CACNA2D3: variants seen among roughly 807,000 people sequenced by gnomAD.
The protein encoded by CACNA2D3 is calcium voltage-gated channel auxiliary subunit alpha2delta 3, also known as voltage-dependent calcium channel subunit alpha-2/delta-3.
CACNA2D3 carries 60 observed loss-of-function variants against 160.6 expected under a neutral mutation model. The ratio of observed to expected loss-of-function variants is 0.37; its 90% confidence interval spans 0.30 to 0.46. The LOEUF (loss-of-function observed/expected upper bound fraction) is 0.46, where lower values mean the gene tolerates loss of function less well. CACNA2D3 is among the 20% of genes least tolerant of loss of function. The pLI, the probability that CACNA2D3 is intolerant of heterozygous loss-of-function variation, is 1.00. For missense variants in CACNA2D3, 1,205 were observed against 1,365.0 expected (o/e 0.88, Z 1.85); for synonymous variants, 558 against 492.9 (o/e 1.13, Z -1.75).
chr3:54,400,907 A>C (rs1259255039), intron 4 of CACNA2D3, among the ~76,000 whole-genome samples: 1 of 152,174 alleles, frequency 6.6e-6, no homozygotes, highest in Non-Finnish European at 1.5e-5. Context: ...AAGAAAAGGA[A>C]ATTTATGAAT....
At chr3:54,310,701 T>C (rs1703720785) in intron 2 of CACNA2D3, among the ~76,000 whole-genome samples, 1 of 152,190 alleles carries the variant, frequency 6.6e-6, no homozygotes. Flanking sequence ...GGCAAAAGAA[T>C]GACGTATTTC....
chr3:54,416,614 A>G (rs187504884), intron 4 of CACNA2D3, among the ~76,000 whole-genome samples: 5 of 152,310 alleles, frequency 3.3e-5, no homozygotes, highest in African/African-American at 9.6e-5. Context: ...TAGCTTAATC[A>G]TAGGAGATTC....
chr3:54,779,905 G>T (rs1702500002), intron 13 of CACNA2D3, among the ~76,000 whole-genome samples: 1 of 152,108 alleles, frequency 6.6e-6, no homozygotes, highest in Non-Finnish European at 1.5e-5. Context: ...GTAGCGTAAG[G>T]ACTGGGGCAG....
At chr3:54,560,200 C>A (rs543917449) in intron 5 of CACNA2D3, among the ~76,000 whole-genome samples, 2 of 152,330 alleles carry the variant, frequency 1.3e-5, no homozygotes, top group African/African-American at 4.8e-5. Context: ...ACACCCCCAC[C>A]AACAGTGTAA....
intron 3 of CACNA2D3, among the ~76,000 whole-genome samples, chr3:54,339,623 A>G (rs1704471018): frequency 6.6e-6 from 1 of 152,238 alleles, no homozygotes; most frequent in Non-Finnish European, 1.5e-5. Context: ...CAGGAAGTTC[A>G]TGGAATGAGT....
chr3:54,331,801 A>G (rs1366611582), intron 3 of CACNA2D3, among the ~76,000 whole-genome samples: 1 of 152,118 alleles, frequency 6.6e-6, no homozygotes, highest in Non-Finnish European at 1.5e-5. Flanking sequence ...TTCAGCCCTC[A>G]CCTATTAAAA....
chr3:54,383,636 C>G (rs1699142344), intron 3 of CACNA2D3, among the ~76,000 whole-genome samples: 1 of 151,884 alleles, frequency 6.6e-6, no homozygotes, highest in Admixed American at 6.6e-5. Flanking sequence ...AGCACATGTA[C>G]TAAAATGAGA....
chr3:54,770,642 C>T (rs922600164), intron 13 of CACNA2D3, among the ~76,000 whole-genome samples: 1 of 152,128 alleles, frequency 6.6e-6, no homozygotes, highest in African/African-American at 2.4e-5. Flanking sequence ...TTGTGCCTGT[C>T]GCCCACAGCA....
chr3:54,759,122 C>A (rs1354034429), intron 12 of CACNA2D3, among the ~76,000 whole-genome samples: 1 of 152,162 alleles, frequency 6.6e-6, no homozygotes, highest in African/African-American at 2.4e-5. Flanking sequence ...ACAGAAGGAG[C>A]TCTGCAAGGG....
chr3:55,072,000 T>G (rs1259172875), intron 35 of CACNA2D3, among the ~76,000 whole-genome samples: 1 of 152,200 alleles, frequency 6.6e-6, no homozygotes, highest in Non-Finnish European at 1.5e-5. Flanking sequence ...ATCCATTCAG[T>G]AGAGGCCAAC....
intron 4 of CACNA2D3, among the ~76,000 whole-genome samples, chr3:54,463,259 G>T (rs1236185317): frequency 6.6e-6 from 1 of 152,082 alleles, no homozygotes; most frequent in Non-Finnish European, 1.5e-5. Flanking sequence ...GTGTCTTGGA[G>T]TTGCTCTTCT....
chr3:54,475,611 G>T (rs753764734), intron 4 of CACNA2D3, among the ~76,000 whole-genome samples: 1 of 152,068 alleles, frequency 6.6e-6, no homozygotes, highest in Non-Finnish European at 1.5e-5. Context: ...ATTAGTCTCT[G>T]CCTATAATGC....
chr3:54,711,927 A>G (rs1306017681), intron 11 of CACNA2D3, among the ~76,000 whole-genome samples: 2 of 152,148 alleles, frequency 1.3e-5, no homozygotes, highest in African/African-American at 4.8e-5. Context: ...TTTAAATGCT[A>G]TATGGTGAAT....
chr3:54,318,052 A>C (rs1703906807), intron 2 of CACNA2D3, among the ~76,000 whole-genome samples: 1 of 152,206 alleles, frequency 6.6e-6, no homozygotes, highest in African/African-American at 2.4e-5. Flanking sequence ...ACCATAGGAA[A>C]ATGCAGCTGC....
At chr3:54,858,806 C>T (rs866171186) in intron 17 of CACNA2D3, among the ~76,000 whole-genome samples, 1 of 152,174 alleles carries the variant, frequency 6.6e-6, no homozygotes. Context: ...ATGGTCCCAA[C>T]TGGGTAGATG....
chr3:54,672,109 G>T (rs1276740049), intron 11 of CACNA2D3, among the ~76,000 whole-genome samples: 2 of 152,238 alleles, frequency 1.3e-5, no homozygotes, highest in Admixed American at 1.3e-4. Context: ...TTGAGCATGT[G>T]AGTATCAGGA....
At chr3:54,461,804 C>G (rs1180745055) in intron 4 of CACNA2D3, among the ~76,000 whole-genome samples, 14 of 151,958 alleles carry the variant, frequency 9.2e-5, no homozygotes, top group Non-Finnish European at 1.5e-4. Flanking sequence ...TTAGTTATTT[C>G]TTGCCTTCTG....
intron 14 of CACNA2D3, among the ~76,000 whole-genome samples, chr3:54,824,947 A>G (rs1703719542): frequency 6.6e-6 from 1 of 152,238 alleles, no homozygotes; most frequent in Non-Finnish European, 1.5e-5. Context: ...AATTGATTTT[A>G]CAGTTCCTTA....
intron 2 of CACNA2D3, among the ~76,000 whole-genome samples, chr3:54,158,663 T>C (rs757969787): frequency 9.9e-5 from 15 of 152,230 alleles, no homozygotes; most frequent in Non-Finnish European, 1.9e-4. Flanking sequence ...CCACAGTGCT[T>C]GTTTTTCTGT....
Sources: allele counts gnomAD v4.1 joint callset (sites outside exome capture counted in the v4.1 genomes callset), GRCh38; gene constraint gnomAD v4.1.1; transcripts MANE v1.5; gene names NCBI Gene and HGNC (gene_info 2026-07-23, HGNC 2026-07-21).